Variants in CEP112 observed in about 807,000 individuals in gnomAD.
CEP112 encodes the protein centrosomal protein 112.
Under a neutral mutation model 153.0 loss-of-function variants are expected in CEP112, and 127 were observed. That is an observed-to-expected ratio of 0.83 (90% CI 0.72 to 0.96). The LOEUF is 0.96. CEP112 is among the 40% of genes least tolerant of loss of function. The pLI is 0.00. For missense variants in CEP112, 1,089 were observed against 1,101.2 expected (o/e 0.99, Z 0.16); for synonymous variants, 358 against 374.4 (o/e 0.96, Z 0.51).
intron 19 of CEP112, chr17:65,903,192 T>G (rs1489623803): frequency 1.3e-5 from 2 of 152,246 alleles, no homozygotes; most frequent in Admixed American, 1.3e-4. Context: ...GCCACACAGC[T>G]GCTAAGAACA....
chr17:66,166,339 T>A (rs1010080470), intron 4 of CEP112, among the ~76,000 whole-genome samples: 1 of 152,194 alleles, frequency 6.6e-6, no homozygotes, highest in African/African-American at 2.4e-5. Flanking sequence ...TACCCTAACT[T>A]TTAATCAAAG....
chr17:66,164,719 G>A (rs1244334913), intron 4 of CEP112, among the ~76,000 whole-genome samples: 1 of 151,822 alleles, frequency 6.6e-6, no homozygotes, highest in Non-Finnish European at 1.5e-5. Context: ...AGTTGGGCGT[G>A]GTGGCAGGCG....
intron 23 of CEP112, among the ~76,000 whole-genome samples, chr17:65,700,638 C>G (rs751062912): frequency 6.6e-6 from 1 of 152,102 alleles, no homozygotes; most frequent in Non-Finnish European, 1.5e-5. Flanking sequence ...AAGTCCAAGA[C>G]TAAACTCAAG....
intron 18 of CEP112, among the ~76,000 whole-genome samples, chr17:65,953,099 G>T (rs1272297371): frequency 6.6e-6 from 1 of 151,922 alleles, no homozygotes; most frequent in Non-Finnish European, 1.5e-5. Flanking sequence ...CTTTCAAAGA[G>T]CAAAAGTTTT....
At chr17:66,134,268 C>A (rs1452280925) in intron 4 of CEP112, among the ~76,000 whole-genome samples, 1 of 152,176 alleles carries the variant, frequency 6.6e-6, no homozygotes, top group South Asian at 2.1e-4. Flanking sequence ...TAAAACGACA[C>A]ACCCTCTTGT....
chr17:65,846,959 G>C (rs556447779), intron 21 of CEP112, among the ~76,000 whole-genome samples: 1 of 152,264 alleles, frequency 6.6e-6, no homozygotes, highest in Admixed American at 6.5e-5. Flanking sequence ...TACTGCATTT[G>C]AAAATGCTAA....
rs888533408 is a variant in CEP112, at chr17:65,942,399, A to AT, written c.1873-14711dup. ...GCTGGTTTAAATAGTATAGGTGCTT[A>AT]TTTTTTTTTCCCTTATGTTACAAAA... On this transcript the variant is annotated intron_variant, in intron 18 of 26. Transcript: ENST00000535342. Among the ~76,000 whole-genome samples, 176 of 151,198 alleles carry AT rather than the reference A, an allele frequency of 1.2e-3. 1 individual carries two copies. Among genetic ancestry groups the AT allele is most frequent in the African/African-American group, 3.9e-3 (161 of 41,210 alleles).
At chr17:65,913,382 C>A in intron 19 of CEP112, 2 of 493,978 alleles carry the variant, frequency 4.0e-6, no homozygotes, top group Non-Finnish European at 5.3e-6. Flanking sequence ...CATATACAAT[C>A]TTCTCTGAGT....
chr17:65,836,200 G>A (rs967568702), intron 21 of CEP112, among the ~76,000 whole-genome samples: 3 of 152,156 alleles, frequency 2.0e-5, no homozygotes, highest in East Asian at 1.9e-4. Context: ...TCAGTTAACC[G>A]CAAAGGAAGA....
At chr17:65,727,711 C>T (rs1057152333) in intron 23 of CEP112, among the ~76,000 whole-genome samples, 2 of 152,080 alleles carry the variant, frequency 1.3e-5, no homozygotes, top group African/African-American at 4.8e-5. Context: ...GATGGTGACT[C>T]TGAAATAGTA....
At chr17:66,183,421 G>C in intron 1 of CEP112, 114 bp from the exon 2 acceptor site, 1 of 594,208 alleles carries the variant, frequency 1.7e-6, no homozygotes, top group Middle Eastern at 3.4e-4. Context: ...TCCCCAAATT[G>C]ACCTGTAGAT....
chr17:65,718,947 A>G (rs2144818095), intron 23 of CEP112, among the ~76,000 whole-genome samples: 1 of 152,318 alleles, frequency 6.6e-6, no homozygotes, highest in East Asian at 1.9e-4. Flanking sequence ...GGGAAAGAAA[A>G]GGCAAGTGGG....
chr17:65,687,228 G>A (rs542761439), intron 24 of CEP112, among the ~76,000 whole-genome samples: 4 of 140,396 alleles, frequency 2.8e-5, no homozygotes, highest in Middle Eastern at 4.0e-3. Flanking sequence ...GCGCAGTGGC[G>A]TGATCTCGGC....
rs76320914 is a variant in CEP112 at position 65,654,389 on chromosome 17, G to A, written c.2698-13324C>T. On this transcript the variant is annotated intron_variant, in intron 24 of 26. Transcript: ENST00000535342. ...CTTCACTTTCTTTATTCTAACTGGC[G>A]TCCTCTCAAACTAAGCGTGCAGCGC... 7.8e-3 allele frequency among the ~76,000 whole-genome samples: 1,180 copies of A among 152,044 alleles called. 14 individuals carry two copies. Among genetic ancestry groups the A allele is most frequent in the African/African-American group, 0.025 (1,019 of 41,474 alleles).
intron 18 of CEP112, among the ~76,000 whole-genome samples, chr17:65,958,806 AG>A (rs1162785223): frequency 2.0e-5 from 3 of 152,078 alleles, no homozygotes; most frequent in African/African-American, 7.2e-5. Context: ...GAAGGCTGGG[AG>A]GCCTGGCTGC....
At chr17:65,672,650 C>T (rs1282911001) in intron 24 of CEP112, among the ~76,000 whole-genome samples, 1 of 152,128 alleles carries the variant, frequency 6.6e-6, no homozygotes, top group Non-Finnish European at 1.5e-5. Context: ...AAGTAACTTG[C>T]TTAACGTTCC....
chr17:65,871,153 C>T (rs564600019), intron 20 of CEP112, among the ~76,000 whole-genome samples: 2 of 152,306 alleles, frequency 1.3e-5, no homozygotes, highest in African/African-American at 4.8e-5. Flanking sequence ...AACACTGGGA[C>T]ACAAACAGTT....
intron 21 of CEP112, among the ~76,000 whole-genome samples, chr17:65,846,208 T>C (rs956788021): frequency 2.6e-5 from 4 of 152,178 alleles, no homozygotes; most frequent in Non-Finnish European, 2.9e-5. Context: ...AAAAAGATAC[T>C]GTGAGAAGAG....
chr17:65,770,590 C>A (rs1315997086), intron 21 of CEP112, among the ~76,000 whole-genome samples: 1 of 152,044 alleles, frequency 6.6e-6, no homozygotes, highest in African/African-American at 2.4e-5. Flanking sequence ...ATATAAATTA[C>A]TTTTTATTCT....
Sources: gnomAD v4.1 joint callset for allele counts (sites outside exome capture counted in the v4.1 genomes callset) on GRCh38, gnomAD v4.1.1 for gene constraint, MANE v1.5 for transcripts, NCBI Gene and HGNC (gene_info 2026-07-23, HGNC 2026-07-21) for gene names.